AGBL4: variants seen among roughly 807,000 people sequenced by gnomAD.
AGBL4 encodes cytosolic carboxypeptidase 6.
A neutral mutation model predicts 66.4 loss-of-function variants in AGBL4; 58 were observed. The observed-to-expected ratio is 0.87, with a 90% CI of 0.71 to 1.09. The LOEUF is 1.09. Ranked by LOEUF, AGBL4 falls within the 50% of genes least tolerant of loss-of-function variation. The pLI is 0.00. For missense variants in AGBL4, 579 were observed against 631.0 expected (o/e 0.92, Z 0.88); for synonymous variants, 234 against 222.9 (o/e 1.05, Z -0.44).
intron 6 of AGBL4, among the ~76,000 whole-genome samples, chr1:48,808,682 G>A (rs1645984474): frequency 6.6e-6 from 1 of 152,226 alleles, no homozygotes; most frequent in Non-Finnish European, 1.5e-5. Context: ...ACTGAGCCTG[G>A]TAATTATGAA....
chr1:48,867,052 A>T (rs6703833), intron 6 of AGBL4, 139 bp downstream of exon 6: 10 of 967,244 alleles, frequency 1.0e-5, no homozygotes, highest in African/African-American at 6.5e-5. Flanking sequence ...GGGGAGGAGA[A>T]GAATCATTCA....
intron 6 of AGBL4, among the ~76,000 whole-genome samples, chr1:48,669,585 G>T (rs1646243885): frequency 6.6e-6 from 1 of 152,046 alleles, no homozygotes; most frequent in Admixed American, 6.5e-5. Flanking sequence ...ATTCAAACTG[G>T]CCTCATCATT....
chr1:48,934,547 G>T (rs1402492457), intron 5 of AGBL4, among the ~76,000 whole-genome samples: 1 of 152,076 alleles, frequency 6.6e-6, no homozygotes, highest in Non-Finnish European at 1.5e-5. Flanking sequence ...TCACCACCCA[G>T]ATGTTCCCCA....
At chr1:49,701,818 C>T (rs182006692) in intron 2 of AGBL4, among the ~76,000 whole-genome samples, 223 of 151,862 alleles carry the variant, frequency 1.5e-3, no homozygotes, top group Non-Finnish European at 2.6e-3. Context: ...ACCAACTGTA[C>T]GTCAAAAAAT....
intron 6 of AGBL4, among the ~76,000 whole-genome samples, chr1:48,853,841 A>G (rs1433984132): frequency 6.6e-6 from 1 of 152,160 alleles, no homozygotes; most frequent in Non-Finnish European, 1.5e-5. Flanking sequence ...CCATAAGTGT[A>G]GAGACAGACT....
intron 3 of AGBL4, among the ~76,000 whole-genome samples, chr1:49,563,099 G>C (rs1378666047): frequency 2.1e-4 from 32 of 151,870 alleles, no homozygotes; most frequent in Admixed American, 2.1e-3. Context: ...CTCATGATTT[G>C]GCTCTCTGTT....
intron 4 of AGBL4, among the ~76,000 whole-genome samples, chr1:49,156,808 T>G (rs1646440478): frequency 1.3e-5 from 2 of 152,152 alleles, no homozygotes; most frequent in African/African-American, 4.8e-5. Context: ...ACAGTGTGAG[T>G]GGAGACTCAC....
chr1:49,464,050 A>G (rs914705748), intron 3 of AGBL4, among the ~76,000 whole-genome samples: 8 of 151,774 alleles, frequency 5.3e-5, no homozygotes, highest in African/African-American at 1.7e-4. Context: ...GACAGTCTAA[A>G]GCATTTAGAC....
chr1:49,023,138 C>A (rs1663374976), intron 5 of AGBL4, among the ~76,000 whole-genome samples: 1 of 152,170 alleles, frequency 6.6e-6, no homozygotes, highest in Non-Finnish European at 1.5e-5. Context: ...ACCTGGTCAT[C>A]CTTACTTTTA....
At position 49,429,054 on chromosome 1, in the gene AGBL4, C is replaced by T. The variant is rs540839841; in HGVS notation, c.283-183190G>A. ...AGAGTTAAATTACAAATTATATGTT[C>T]CAGACTGGAAGAACTTAGAATTCAT... On this transcript the variant is annotated intron_variant, in intron 3 of 13. Coordinates refer to ENST00000371839, the MANE Select transcript of AGBL4 (RefSeq NM_032785.4). Among the ~76,000 whole-genome samples the T allele has an allele frequency of 1.2e-4, 18 of 152,268 alleles. No individual in the cohort carries two copies. In the South Asian group the frequency reaches 3.7e-3, roughly 32 times the overall value.
intron 3 of AGBL4, among the ~76,000 whole-genome samples, chr1:49,424,519 C>T (rs1645615148): frequency 6.6e-6 from 1 of 152,140 alleles, no homozygotes. Flanking sequence ...AATAATTATG[C>T]ACACAACAGA....
chr1:49,260,588 C>A (rs1246962684), intron 3 of AGBL4, among the ~76,000 whole-genome samples: 1 of 152,108 alleles, frequency 6.6e-6, no homozygotes, highest in Non-Finnish European at 1.5e-5. Context: ...GACACATACA[C>A]CCTCCCAAGA....
intron 3 of AGBL4, among the ~76,000 whole-genome samples, chr1:49,628,890 G>C (rs1362817261): frequency 2.0e-5 from 3 of 152,108 alleles, no homozygotes; most frequent in Non-Finnish European, 4.4e-5. Context: ...TGTTCCCGAG[G>C]CCTTCTTAAT....
At chr1:48,768,886 C>T (rs955933431) in intron 6 of AGBL4, among the ~76,000 whole-genome samples, 6 of 152,060 alleles carry the variant, frequency 3.9e-5, no homozygotes, top group Non-Finnish European at 5.9e-5. Context: ...ATTCTCTGGC[C>T]GATGGTGTTT....
At chr1:49,216,422 T>G (rs1338573771) in intron 4 of AGBL4, among the ~76,000 whole-genome samples, 2 of 152,140 alleles carry the variant, frequency 1.3e-5, no homozygotes, top group Non-Finnish European at 2.9e-5. Context: ...TTCCCCTCTC[T>G]ATTAGTCCCC....
chr1:48,985,250 G>A (rs1469670016), intron 5 of AGBL4, among the ~76,000 whole-genome samples: 1 of 152,062 alleles, frequency 6.6e-6, no homozygotes, highest in Non-Finnish European at 1.5e-5. Flanking sequence ...AGAAGAGGCT[G>A]ATATACTCCC....
chr1:49,615,615 C>G (rs1296603814), intron 3 of AGBL4, among the ~76,000 whole-genome samples: 1 of 151,910 alleles, frequency 6.6e-6, no homozygotes, highest in Non-Finnish European at 1.5e-5. Context: ...TTTCATAAAG[C>G]ACCAAAGCAA....
Position 49,802,381 on chromosome 1 carries a change from G to A in AGBL4, c.157+49015C>T, listed in dbSNP as rs373334517. The stretch of plus-strand genomic sequence containing the variant: ...CCTTCTGAGAATTTCTGGTCTAACC[G>A]GTTGTCTAGCTTCATGTCCTGTTTC... On this transcript the variant is annotated intron_variant, in intron 2 of 13. Transcript: ENST00000371839. 3.2e-4 allele frequency among the ~76,000 whole-genome samples: 48 copies of A among 152,168 alleles called. 2 individuals are homozygous for A. The highest frequency in any genetic ancestry group is 1.1e-3 in the African/African-American group (46 of 41,466).
At chr1:49,605,053 A>C (rs1645037901) in intron 3 of AGBL4, among the ~76,000 whole-genome samples, 1 of 152,168 alleles carries the variant, frequency 6.6e-6, no homozygotes, top group Non-Finnish European at 1.5e-5. Flanking sequence ...CCTAGGACAA[A>C]GATATTTTAT....
Sources: gnomAD v4.1 joint callset for allele counts (sites outside exome capture counted in the v4.1 genomes callset) on GRCh38, gnomAD v4.1.1 for gene constraint, MANE v1.5 for transcripts, NCBI Gene and HGNC (gene_info 2026-07-23, HGNC 2026-07-21) for gene names.